The following IL18R1 variants were observed in gnomAD, a reference collection of about 807,000 sequenced individuals.
IL18R1 encodes interleukin 18 receptor 1.
In IL18R1, 40 loss-of-function variants were observed where a neutral mutation model predicts 48.5. The ratio of observed to expected loss-of-function variants is 0.82; its 90% confidence interval spans 0.64 to 1.07. IL18R1 has a LOEUF of 1.07. Ranked by LOEUF, IL18R1 falls within the 50% of genes least tolerant of loss-of-function variation. The probability of loss-of-function intolerance (pLI) is 0.00; values close to 1 mark genes in which losing one functional copy is unlikely to be tolerated. For synonymous variants in IL18R1, 232 were observed against 225.9 expected (o/e 1.03, Z -0.24); for missense variants, 596 against 633.7 (o/e 0.94, Z 0.64).
chr2:102,392,411 T>C (rs534961153), intron 9 of IL18R1, among the ~76,000 whole-genome samples: 19 of 152,210 alleles, frequency 1.2e-4, no homozygotes, highest in Non-Finnish European at 2.5e-4. Context: ...ATTTCTTTTT[T>C]CCTTCTCCAG....
At chr2:102,377,425 C>T (rs1242730285) in intron 5 of IL18R1, among the ~76,000 whole-genome samples, 1 of 152,212 alleles carries the variant, frequency 6.6e-6, no homozygotes, top group African/African-American at 2.4e-5. Flanking sequence ...CACCATTCTC[C>T]TGCCTCAGCC....
intron 1 of IL18R1, 80 bp from the exon 2 acceptor site, chr2:102,362,553 A>G (rs1678638831): frequency 9.5e-6 from 8 of 839,626 alleles, no homozygotes; most frequent in Middle Eastern, 4.8e-4. Context: ...TCTGTGTGCC[A>G]GAAGATTTTT....
In IL18R1 at chr2:102,397,047, C is replaced by A. The variant is rs1398288899; in HGVS notation, c.*161C>A. On this transcript the variant is annotated 3_prime_UTR_variant, in exon 11 of 11. Transcript: ENST00000233957. Reference sequence around the variant, plus strand: ...TGTCATTAGGTTGGCGGGAATGAGACTAAAGATTGCGCTGTGGGCTGTGGT... The same window carrying A: ...TGTCATTAGGTTGGCGGGAATGAGAATAAAGATTGCGCTGTGGGCTGTGGT... The A allele has an allele frequency of 6.8e-6, 4 of 585,006 alleles. No homozygotes were observed. The highest frequency in any genetic ancestry group is 5.6e-5 in the African/African-American group (3 of 53,398). The allele number at this position is 585,006 out of a possible 1,614,324, so 36.2% of individuals were successfully genotyped here.
rs1445488901 is a variant in IL18R1 at position 102,394,530 on chromosome 2, G to A, written c.1173G>A (p.Glu391=). Residue 391 remains glutamate, a synonymous_variant, in exon 10 of 11, where the codon GAG becomes GAA. Transcript: ENST00000233957. The stretch of plus-strand genomic sequence containing the variant: ...AAGAATGCCGACCTGAAAATGGAGA[G>A]GAGCACACCTTTGCTGTGGAGATTT... The part of the protein sequence containing the change: ...YLKECRPENG[E]EHTFAVEILP... 2.5e-6 allele frequency: 4 copies of A among 1,612,954 alleles called. No homozygotes were observed. The South Asian group carries it at 4.4e-5, about 18-fold the overall frequency.
intron 4 of IL18R1, among the ~76,000 whole-genome samples, chr2:102,373,462 T>G (rs1334394382): frequency 2.0e-5 from 3 of 148,448 alleles, no homozygotes; most frequent in Admixed American, 1.3e-4. Context: ...GCCTGTTGTG[T>G]GGGGTGGGAG....
chr2:102,386,243 G>A (rs1350985039), intron 7 of IL18R1, among the ~76,000 whole-genome samples: 1 of 152,158 alleles, frequency 6.6e-6, no homozygotes, highest in Non-Finnish European at 1.5e-5. Flanking sequence ...GATGTCATAA[G>A]TGTTTACCTG....
chr2:102,379,208 C>G (rs985702465), intron 5 of IL18R1, among the ~76,000 whole-genome samples: 2 of 152,120 alleles, frequency 1.3e-5, no homozygotes, highest in Non-Finnish European at 2.9e-5. Flanking sequence ...CTTTGGGAGG[C>G]CGAGGCGGAT....
At chr2:102,372,247 C>G in intron 4 of IL18R1, 129 bp downstream of exon 4, 1 of 659,454 alleles carries the variant, frequency 1.5e-6, no homozygotes, top group Non-Finnish European at 2.5e-6. Flanking sequence ...CTCACTTGCC[C>G]TGTTTGAGCC....
Position 102,377,887 on chromosome 2 carries a change from C to T in IL18R1, c.625+1824C>T, listed in dbSNP as rs550469180. On this transcript the variant is annotated intron_variant, in intron 5 of 10. Transcript: ENST00000233957. ...ATGTAACATATCGTATTCACAGGAA[C>T]TCAGGAGTAGGATGTGGGAAACTTC... Among the ~76,000 whole-genome samples, 6 of 152,304 alleles carry T rather than the reference C, an allele frequency of 3.9e-5. No homozygotes were observed. The South Asian group carries it at 1.2e-3, about 32-fold the overall frequency.
rs375398936 is a variant in IL18R1, at chr2:102,367,904, A to T, written c.138A>T (p.Ala46=). The change falls in exon 3 of 11, where the codon GCA becomes GCT. Residue 46 remains alanine, a synonymous_variant. Transcript: ENST00000233957. ...FYLKHCSCSL[A]HEIETTTKSW... ...TGAAACATTGCTCGTGTTCACTTGC[A>T]CATGAGATTGAAACAACCACCAAAA... The T allele has an allele frequency of 1.9e-6, 3 of 1,614,214 alleles. No individual in the cohort carries two copies. In the East Asian group the frequency reaches 6.7e-5, roughly 36 times the overall value.
rs533406099 is a variant in IL18R1 at position 102,395,694 on chromosome 2, C to T, written c.1271-837C>T. Among the ~76,000 whole-genome samples, 3 of 152,290 alleles carry T rather than the reference C, an allele frequency of 2.0e-5. No homozygotes were observed. The South Asian group carries it at 6.2e-4, about 32-fold the overall frequency. Reference sequence around the variant, plus strand: ...TATATTTCCGTTATTTTCTAGGGGCCTTTCTTGAAAACAGATTTATTCTTA... The same window carrying T: ...TATATTTCCGTTATTTTCTAGGGGCTTTTCTTGAAAACAGATTTATTCTTA... On this transcript the variant is annotated intron_variant, in intron 10 of 10. Transcript: ENST00000233957.
At position 102,355,968 on chromosome 2, in the gene IL18R1, G is replaced by C. The variant is rs1678221723; in HGVS notation, c.-461G>C. On this transcript the variant is annotated 5_prime_UTR_variant, in exon 1 of 11. Coordinates refer to ENST00000233957, the MANE Select transcript of IL18R1 (RefSeq NM_003855.5). ...GGTGGAGGAGCCGGTCCTGGAGCAC[G>C]GCTGCGAGGAGCACCCGGACCGGAG... The C allele has an allele frequency of 6.6e-6, 1 of 152,212 alleles. No individual in the cohort carries two copies. The highest frequency in any genetic ancestry group is 1.5e-5 in the Non-Finnish European group (1 of 68,084). 9.4% of individuals were successfully genotyped at this position (152,212 alleles called of 1,614,324 possible). A position where few individuals can be genotyped will look rare whatever the true frequency, so the allele number is the denominator to read the frequency against.
intron 5 of IL18R1, among the ~76,000 whole-genome samples, chr2:102,377,097 G>C (rs11465626): frequency 6.6e-6 from 1 of 152,090 alleles, no homozygotes; most frequent in South Asian, 2.1e-4. Context: ...CACTTGTGTG[G>C]GTGGCTTGTT....
intron 4 of IL18R1, 120 bp from the exon 5 acceptor site, chr2:102,375,787 A>T: frequency 1.6e-6 from 1 of 620,032 alleles, no homozygotes; most frequent in East Asian, 3.1e-5. Flanking sequence ...ATGTCCAGGA[A>T]TTGCTACTTT....
In IL18R1 at chr2:102,390,127, G is replaced by A. The variant is rs759503831; in HGVS notation, c.1021G>A (p.Val341Ile). The A allele has an allele frequency of 5.6e-6, 9 of 1,614,014 alleles. No homozygotes were observed. Among genetic ancestry groups the A allele is most frequent in the Non-Finnish European group, 7.6e-6 (9 of 1,179,884 alleles). Residue 341 changes from valine to isoleucine, a missense_variant, in exon 9 of 11, where the codon GTA (valine) becomes ATA (isoleucine). Around this residue, in one of 3 missense-constraint regions of IL18R1, gnomAD observed 57 missense variants for 88.2 expected, o/e 0.65. Coordinates refer to ENST00000233957, the MANE Select transcript of IL18R1 (RefSeq NM_003855.5). ...MIIAVLILVAVVCLVTVCVIY... is the reference protein window; with the variant it reads ...MIIAVLILVAIVCLVTVCVIY... ...CATAGCTGTTTTGATCTTGGTGGCA[G>A]TAGTGTGCCTAGTGACTGTGTGTGT...
chr2:102,394,639 T>G lies in IL18R1; in HGVS notation c.1270+12T>G. 6.3e-7 allele frequency: 1 copy of G among 1,577,650 alleles called. No individual in the cohort carries two copies. Among genetic ancestry groups the G allele is most frequent in the Non-Finnish European group, 8.6e-7 (1 of 1,156,522 alleles). On this transcript the variant is annotated intron_variant, in intron 10 of 10. Transcript: ENST00000233957. ...AGTGCCTGGAGGAGGTAAGAGGGAATGCCAGATAGAAAAATATTCAAGATA... is the reference window on the plus strand; with the variant it reads ...AGTGCCTGGAGGAGGTAAGAGGGAAGGCCAGATAGAAAAATATTCAAGATA...
At chr2:102,388,578 T>C (rs940618483) in intron 8 of IL18R1, among the ~76,000 whole-genome samples, 2 of 152,136 alleles carry the variant, frequency 1.3e-5, no homozygotes, top group African/African-American at 4.8e-5. Flanking sequence ...TCTCCTTTCT[T>C]AGAACAGGGC....
In IL18R1 at chr2:102,362,678, A is replaced by C; in HGVS notation, c.18A>C (p.Leu6Phe). The C allele has an allele frequency of 6.2e-7, 1 of 1,607,514 alleles. No individual in the cohort carries two copies. MNCRELPLTLWVLISV... is the reference protein window; with the variant it reads MNCREFPLTLWVLISV... ...TCCAAACCATGAATTGTAGAGAATTACCCTTGACCCTTTGGGTGCTTATAT... is the reference window on the plus strand; with the variant it reads ...TCCAAACCATGAATTGTAGAGAATTCCCCTTGACCCTTTGGGTGCTTATAT... The change falls in exon 2 of 11, where the codon TTA (leucine) becomes TTC (phenylalanine). Residue 6 changes from leucine (L) to phenylalanine (F), a missense_variant. This residue lies in a region of IL18R1 where 360 missense variants were observed against 339.4 expected (regional missense o/e 1.06). Coordinates refer to ENST00000233957, the MANE Select transcript of IL18R1 (RefSeq NM_003855.5).
intron 9 of IL18R1, among the ~76,000 whole-genome samples, chr2:102,390,846 T>G (rs1680521541): frequency 6.8e-6 from 1 of 146,262 alleles, no homozygotes; most frequent in Non-Finnish European, 1.5e-5. Context: ...GGCAGGAGAA[T>G]GGCGTGTGAA....
Sources: allele counts gnomAD v4.1 joint callset (sites outside exome capture counted in the v4.1 genomes callset), GRCh38; gene constraint gnomAD v4.1.1; regional missense constraint gnomAD v4.1.1; transcripts MANE v1.5; gene names NCBI Gene and HGNC (gene_info 2026-07-23, HGNC 2026-07-21).